Variants in WDFY3 observed in about 807,000 individuals in gnomAD.
WDFY3 encodes the protein WD repeat and FYVE domain-containing protein 3.
Under a neutral mutation model 409.6 loss-of-function variants are expected in WDFY3, and 66 were observed. That is an observed-to-expected ratio of 0.16 (90% confidence interval 0.13 to 0.20). WDFY3 has a LOEUF of 0.20. Among genes scored for constraint, WDFY3 ranks in the 10% least tolerant of loss-of-function variants. WDFY3 has a pLI of 1.00. For synonymous variants in WDFY3, 1,521 were observed against 1,537.1 expected (o/e 0.99, Z 0.25); for missense variants, 3,031 against 4,298.1 (o/e 0.71, Z 8.24).
intron 2 of WDFY3, among the ~76,000 whole-genome samples, chr4:84,919,376 A>AATGGATGCTACATACAGGGG (rs1256416817): frequency 6.6e-6 from 1 of 152,166 alleles, no homozygotes; most frequent in Non-Finnish European, 1.5e-5. Context: ...AAGTATCATC[A>AATGGATGCTACATACAGGGG]ATGGATGCTA....
rs903503171 is a variant in WDFY3 at position 84,685,717 on chromosome 4, A to C, written c.9544-1592T>G. Among the ~76,000 whole-genome samples the C allele has an allele frequency of 1.1e-4, 17 of 152,350 alleles. 1 individual carries two copies. The highest frequency in any genetic ancestry group is 6.8e-3 in the Middle Eastern group (2 of 294). On this transcript the variant is annotated intron_variant, in intron 62 of 67. Coordinates refer to ENST00000295888, the MANE Select transcript of WDFY3 (RefSeq NM_014991.6). ...CAGGCTTGATATTGGTTGGAGAAAC[A>C]CAACAGAAATAGAAATCTTTTCATG...
At chr4:84,753,596 C>T (rs1300799300) in intron 35 of WDFY3, 101 bp downstream of exon 35, 1 of 1,338,820 alleles carries the variant, frequency 7.5e-7, no homozygotes, top group Non-Finnish European at 9.8e-7. Flanking sequence ...TGGTCAGAAA[C>T]TTAAAAGACT....
In WDFY3 at chr4:84,765,963, A is replaced by G. The variant is rs1479596154; in HGVS notation, c.5035T>C (p.Leu1679=). The stretch of plus-strand genomic sequence containing the variant: ...GCTGCTGTAACTGTGGTGGAATGTA[A>G]GTGTTCCTCCATAAACATCATGATC... The part of the protein sequence containing the change: ...DWIMMFMEEH[L]HSTTVTAAMR... The change falls in exon 32 of 68, where the codon TTA becomes CTA. Residue 1679 remains leucine (L), a synonymous_variant. Coordinates refer to ENST00000295888, the MANE Select transcript of WDFY3 (RefSeq NM_014991.6). The G allele has an allele frequency of 6.2e-7, 1 of 1,613,924 alleles. No homozygotes were observed. Among genetic ancestry groups the G allele is most frequent in the East Asian group, 2.2e-5 (1 of 44,846 alleles).
chr4:84,781,787 C>T (rs1467748324), intron 25 of WDFY3, among the ~76,000 whole-genome samples: 1 of 152,078 alleles, frequency 6.6e-6, no homozygotes, highest in Non-Finnish European at 1.5e-5. Context: ...TACCACAGTG[C>T]TTGTAAGTAT....
intron 3 of WDFY3, among the ~76,000 whole-genome samples, chr4:84,882,721 T>C (rs886772595): frequency 2.0e-5 from 3 of 151,094 alleles, no homozygotes; most frequent in Non-Finnish European, 4.4e-5. Context: ...CACCTATATT[T>C]TTTTTTTTTT....
chr4:84,788,666 C>T (rs1268808023), intron 22 of WDFY3, among the ~76,000 whole-genome samples: 4 of 152,162 alleles, frequency 2.6e-5, no homozygotes, highest in Admixed American at 2.6e-4. Flanking sequence ...AAAGATACTG[C>T]TGGTTTCAGT....
At chr4:84,890,102 CTTTT>C (rs555819588) in intron 3 of WDFY3, among the ~76,000 whole-genome samples, 38 of 151,638 alleles carry the variant, frequency 2.5e-4, no homozygotes, top group Admixed American at 1.2e-3. Flanking sequence ...CTTGCCCCAG[CTTTT>C]TTTTATTTTT....
rs933620753 is a variant in WDFY3, at chr4:84,724,898, C to T, written c.7273-304G>A. 7.9e-5 allele frequency among the ~76,000 whole-genome samples: 12 copies of T among 152,172 alleles called. No homozygotes were observed. The East Asian group carries it at 2.3e-3, about 29-fold the overall frequency. ...TCTTCTTTGGTGTATGAGAAAACCT[C>T]CCCATCCGGTAAAGAGAATGATCAC... On this transcript the variant is annotated intron_variant, in intron 45 of 67. Transcript: ENST00000295888.
chr4:84,712,613 C>T (rs1733116160), intron 51 of WDFY3, among the ~76,000 whole-genome samples: 1 of 151,348 alleles, frequency 6.6e-6, no homozygotes, highest in African/African-American at 2.4e-5. Flanking sequence ...CCCAGCTACT[C>T]GGGAGGCTGA....
intron 36 of WDFY3, among the ~76,000 whole-genome samples, chr4:84,747,254 T>A (rs541072245): frequency 6.6e-6 from 1 of 152,180 alleles, no homozygotes; most frequent in Non-Finnish European, 1.5e-5. Flanking sequence ...CTGCTGCCCA[T>A]GGGTAGACAG....
At chr4:84,701,766 T>TA (rs1340282342) in intron 56 of WDFY3, among the ~76,000 whole-genome samples, 5 of 152,268 alleles carry the variant, frequency 3.3e-5, no homozygotes, top group African/African-American at 9.6e-5. Context: ...TTCTAGAAAA[T>TA]AGAGTCCTTA....
intron 1 of WDFY3, among the ~76,000 whole-genome samples, chr4:84,941,083 A>T (rs1561124594): frequency 6.6e-6 from 1 of 152,042 alleles, no homozygotes; most frequent in Non-Finnish European, 1.5e-5. Flanking sequence ...GAAAGACTGA[A>T]TGCTTTCTCT....
intron 32 of WDFY3, among the ~76,000 whole-genome samples, chr4:84,761,867 C>A (rs904269490): frequency 6.6e-6 from 1 of 152,212 alleles, no homozygotes; most frequent in Non-Finnish European, 1.5e-5. Flanking sequence ...AAAAAATGCT[C>A]ACCATCACTG....
intron 56 of WDFY3, among the ~76,000 whole-genome samples, chr4:84,699,465 T>C (rs1730720163): frequency 6.6e-6 from 1 of 152,232 alleles, no homozygotes; most frequent in Non-Finnish European, 1.5e-5. Flanking sequence ...CATCACTTGA[T>C]AGACATCTGG....
chr4:84,813,574 G>A (rs950455756), intron 13 of WDFY3, among the ~76,000 whole-genome samples: 10 of 152,140 alleles, frequency 6.6e-5, no homozygotes. Flanking sequence ...AGGCCACAAT[G>A]TGAGTATTTA....
At chr4:84,731,995 G>C (rs1411795916) in intron 44 of WDFY3, among the ~76,000 whole-genome samples, 1 of 152,134 alleles carries the variant, frequency 6.6e-6, no homozygotes, top group East Asian at 1.9e-4. Context: ...AGGGAAAAAA[G>C]ATTAAGAACT....
Position 84,753,647 on chromosome 4 carries a change from A to T in WDFY3, c.5739+50T>A. On this transcript the variant is annotated intron_variant, in intron 35 of 67. Coordinates refer to ENST00000295888, the MANE Select transcript of WDFY3 (RefSeq NM_014991.6). ...CTAACCATTGAAACAGACTAATTCC[A>T]GTTCTGACATTCTAATTCCAGTTCT... 2.7e-6 allele frequency: 4 copies of T among 1,498,338 alleles called. No individual in the cohort carries two copies. The South Asian group carries it at 5.6e-5, about 21-fold the overall frequency. 92.8% of individuals were successfully genotyped at this position (1,498,338 alleles called of 1,614,324 possible). A position where few individuals can be genotyped will look rare whatever the true frequency, so the allele number is the denominator to read the frequency against.
chr4:84,930,111 T>A (rs952700251), intron 2 of WDFY3, among the ~76,000 whole-genome samples: 4 of 152,160 alleles, frequency 2.6e-5, no homozygotes, highest in Non-Finnish European at 5.9e-5. Flanking sequence ...TCCTGTCATT[T>A]AAGCCACCCA....
At position 84,725,239 on chromosome 4, in the gene WDFY3, G is replaced by A. The variant is rs79222119; in HGVS notation, c.7273-645C>T. ...CACTGCAAGCTGCTATCTCCAATTT[G>A]CTCATTCTCATTGTCTGTTGTGTAA... On this transcript the variant is annotated intron_variant, in intron 45 of 67. Transcript: ENST00000295888. Among the ~76,000 whole-genome samples, 1,457 of 152,252 alleles carry A rather than the reference G, an allele frequency of 9.6e-3. 22 individuals carry two copies. Among genetic ancestry groups the A allele is most frequent in the African/African-American group, 0.033 (1,368 of 41,550 alleles).
Sources: gnomAD v4.1 joint callset for allele counts (sites outside exome capture counted in the v4.1 genomes callset) on GRCh38, gnomAD v4.1.1 for gene constraint, MANE v1.5 for transcripts, NCBI Gene and HGNC (gene_info 2026-07-23, HGNC 2026-07-21) for gene names.